MPPED2: variants seen among roughly 807,000 people sequenced by gnomAD.
MPPED2 encodes the protein metallophosphoesterase MPPED2.
MPPED2 carries 5 observed loss-of-function variants against 33.0 expected under a neutral mutation model. The ratio of observed to expected loss-of-function variants is 0.15; its 90% CI spans 0.08 to 0.32. The LOEUF (loss-of-function observed/expected upper bound fraction) is 0.32, where lower values mean the gene tolerates loss of function less well. Ranked by LOEUF, MPPED2 falls within the 10% of genes least tolerant of loss-of-function variation. The pLI, the probability that MPPED2 is intolerant of heterozygous loss-of-function variation, is 1.00. For synonymous variants in MPPED2, 136 were observed against 141.9 expected, an observed-to-expected ratio of 0.96 and a Z score of 0.29; for missense variants, 275 against 372.1, an observed-to-expected ratio of 0.74 and a Z score of 2.15.
chr11:30,386,596 G>T (rs1271092187), exon 7 of MPPED2: 1 of 397,258 alleles, frequency 2.5e-6, no homozygotes, highest in South Asian at 1.4e-4. Context: ...ACTAACACAT[G>T]ACTGTTTTCC....
intron 4 of MPPED2, among the ~76,000 whole-genome samples, chr11:30,448,043 T>C (rs1025545311): frequency 1.1e-4 from 16 of 152,176 alleles, no homozygotes; most frequent in African/African-American, 3.9e-4. Context: ...AGAGAAGCCC[T>C]GGCTTAAGAT....
chr11:30,489,589 C>T (rs1951883579), intron 4 of MPPED2, among the ~76,000 whole-genome samples: 1 of 152,234 alleles, frequency 6.6e-6, no homozygotes, highest in African/African-American at 2.4e-5. Context: ...ACTGCCTAGG[C>T]CTGATCTAAT....
intron 2 of MPPED2, among the ~76,000 whole-genome samples, chr11:30,545,017 A>C (rs945070973): frequency 6.6e-6 from 1 of 152,208 alleles, no homozygotes; most frequent in Non-Finnish European, 1.5e-5. Context: ...ACTTGTGAGT[A>C]AACAAGCATG....
At chr11:30,432,149 A>T (rs1178439428) in intron 4 of MPPED2, among the ~76,000 whole-genome samples, 1 of 146,894 alleles carries the variant, frequency 6.8e-6, no homozygotes, top group Non-Finnish European at 1.5e-5. Context: ...AGCATGGGGG[A>T]TAGAGCAGGA....
At chr11:30,491,888 T>A (rs1951998059) in intron 4 of MPPED2, among the ~76,000 whole-genome samples, 1 of 152,130 alleles carries the variant, frequency 6.6e-6, no homozygotes, top group Non-Finnish European at 1.5e-5. Flanking sequence ...GTATTCTTGG[T>A]CAAAATACAA....
At chr11:30,423,327 C>G (rs915515278) in intron 4 of MPPED2, among the ~76,000 whole-genome samples, 5 of 152,216 alleles carry the variant, frequency 3.3e-5, no homozygotes, top group African/African-American at 1.2e-4. Flanking sequence ...TTTCAATGCA[C>G]AGACAGGTCC....
intron 4 of MPPED2, among the ~76,000 whole-genome samples, chr11:30,437,816 AG>A (rs1455443139): frequency 3.9e-5 from 6 of 152,080 alleles, no homozygotes; most frequent in Non-Finnish European, 5.9e-5. Flanking sequence ...ATGTGCCTCC[AG>A]AGCCAAGGAG....
intron 4 of MPPED2, chr11:30,495,034 C>A (rs969271527): frequency 1.1e-5 from 5 of 440,170 alleles, no homozygotes; most frequent in African/African-American, 5.9e-5. Flanking sequence ...TGGACCAATA[C>A]CCCATGGACA....
At chr11:30,519,125 T>A (rs1953701678) in intron 3 of MPPED2, among the ~76,000 whole-genome samples, 1 of 151,802 alleles carries the variant, frequency 6.6e-6, no homozygotes, top group Admixed American at 6.6e-5. Flanking sequence ...CTACAAAAAA[T>A]TAAAATATTA....
intron 3 of MPPED2, among the ~76,000 whole-genome samples, chr11:30,507,953 C>G (rs1274211186): frequency 2.6e-5 from 4 of 152,132 alleles, no homozygotes; most frequent in Admixed American, 6.5e-5. Context: ...AATTGGAGGT[C>G]TATTTTACTT....
intron 3 of MPPED2, among the ~76,000 whole-genome samples, chr11:30,525,868 A>G (rs1248249651): frequency 1.3e-5 from 2 of 152,224 alleles, no homozygotes; most frequent in Admixed American, 1.3e-4. Flanking sequence ...TGCCCATAAC[A>G]CAGAGGATTG....
chr11:30,448,761 G>A (rs185352374), intron 4 of MPPED2, among the ~76,000 whole-genome samples: 1 of 150,098 alleles, frequency 6.7e-6, no homozygotes, highest in East Asian at 2.0e-4. Context: ...CGCAACCTCC[G>A]CCTCCCGGGT....
At chr11:30,556,169 T>C (rs987639350) in intron 2 of MPPED2, among the ~76,000 whole-genome samples, 1 of 152,194 alleles carries the variant, frequency 6.6e-6, no homozygotes, top group African/African-American at 2.4e-5. Flanking sequence ...GAATTTTAAG[T>C]AACTTCAGCC....
At chr11:30,535,790 A>G (rs892001605) in intron 3 of MPPED2, among the ~76,000 whole-genome samples, 7 of 152,148 alleles carry the variant, frequency 4.6e-5, no homozygotes, top group African/African-American at 1.7e-4. Flanking sequence ...CACCAAGGCC[A>G]GGCACTGAAA....
intron 2 of MPPED2, among the ~76,000 whole-genome samples, chr11:30,537,489 C>A (rs1954875121): frequency 6.6e-6 from 1 of 152,112 alleles, no homozygotes; most frequent in South Asian, 2.1e-4. Flanking sequence ...TTCTCTTTTC[C>A]TTTATTTATT....
chr11:30,412,584 G>A (rs1030469693), intron 6 of MPPED2, among the ~76,000 whole-genome samples: 55 of 152,230 alleles, frequency 3.6e-4, no homozygotes, highest in African/African-American at 1.3e-3. Context: ...AACTTAATGA[G>A]GGTCAATGGA....
At chr11:30,463,357 C>T (rs1208353750) in intron 4 of MPPED2, among the ~76,000 whole-genome samples, 1 of 152,332 alleles carries the variant, frequency 6.6e-6, no homozygotes, top group Non-Finnish European at 1.5e-5. Context: ...TCCATTTCCT[C>T]TCCCCAACAG....
exon 7 of MPPED2, chr11:30,385,142 G>A (rs1323310769): frequency 6.6e-6 from 1 of 152,182 alleles, no homozygotes; most frequent in Admixed American, 6.5e-5. Flanking sequence ...TAAGGGACAG[G>A]AACTTAGGGA....
At chr11:30,447,391 A>C (rs1470785612) in intron 4 of MPPED2, among the ~76,000 whole-genome samples, 1 of 152,204 alleles carries the variant, frequency 6.6e-6, no homozygotes, top group Non-Finnish European at 1.5e-5. Context: ...CTAATTAATC[A>C]ATCTGTCAGA....
Sources: gnomAD v4.1 joint callset for allele counts (sites outside exome capture counted in the v4.1 genomes callset) on GRCh38, gnomAD v4.1.1 for gene constraint, MANE v1.5 for transcripts, NCBI Gene and HGNC (gene_info 2026-07-23, HGNC 2026-07-21) for gene names.